DUSP8: variants seen among roughly 807,000 people sequenced by gnomAD.
DUSP8 encodes dual specificity phosphatase 8, also known as dual specificity protein phosphatase 8.
A neutral mutation model predicts 38.7 loss-of-function variants in DUSP8; 15 were observed. The observed-to-expected ratio is 0.39, with a 90% CI of 0.26 to 0.60. The LOEUF is 0.60. Among genes scored for constraint, DUSP8 ranks in the 20% least tolerant of loss-of-function variants. The pLI is 0.56. For missense variants in DUSP8, 768 were observed against 915.0 expected, an observed-to-expected ratio of 0.84 and a Z score of 2.07; for synonymous variants, 458 against 433.9, an observed-to-expected ratio of 1.06 and a Z score of -0.69.
Position 1,558,773 on chromosome 11 carries a change from C to T in DUSP8, c.537+116G>A. 1.6e-6 allele frequency: 2 copies of T among 1,280,292 alleles called. No homozygotes were observed. The highest frequency in any genetic ancestry group is 2.2e-6 in the Non-Finnish European group (2 of 928,164). The allele number at this position is 1,280,292 out of a possible 1,614,324, so 79.3% of individuals were successfully genotyped here. ...CCACCCATGCTTCTCCCACACCCAG[C>T]TCATCCACTGCCTTCAGCTCCTTTC... On this transcript the variant is annotated intron_variant, in intron 4 of 6. Coordinates refer to ENST00000397374, the MANE Select transcript of DUSP8 (RefSeq NM_004420.3). This position sits in a 1 kb window ranked among gnomAD's most constrained non-coding sequence, Gnocchi z 6.3.
At chr11:1,570,811 G>T (rs538856773) in intron 1 of DUSP8, among the ~76,000 whole-genome samples, 1 of 152,110 alleles carries the variant, frequency 6.6e-6, no homozygotes, top group South Asian at 2.1e-4. Context: ...CCCCTGGACC[G>T]CCCTAGGTGC....
chr11:1,557,859 G>A lies in DUSP8; in HGVS notation c.756C>T (p.Arg252=). The A allele has an allele frequency of 6.2e-7, 1 of 1,613,982 alleles. No individual in the cohort carries two copies. The highest frequency in any genetic ancestry group is 1.1e-5 in the South Asian group (1 of 91,078). ...VIVHCLAGIS[R]SATIAIAYIM... is the part of the protein sequence containing the mutation. ...TGTAGGCGATGGCGATGGTGGCAGA[G>A]CGGGAGATGCCAGCCAGACAGTGGA... Residue 252 remains arginine (R), a synonymous_variant, in exon 6 of 7, where the codon CGC becomes CGT. Transcript: ENST00000397374. The surrounding 1 kb of genome is among the most constrained non-coding windows in gnomAD (Gnocchi z 9.9).
In DUSP8 at chr11:1,572,002, G is replaced by A. The variant is rs1018225626; in HGVS notation, c.-210C>T. On this transcript the variant is annotated 5_prime_UTR_variant, in exon 1 of 7. Transcript: ENST00000397374. This position sits in a 1 kb window ranked among gnomAD's most constrained non-coding sequence, Gnocchi z 4.7. ...GGGCCCGGCGGGGGCCCGCGCAGCCGGGGCAGGGGCCGGGGGAGCGCGCGG... is the reference window on the plus strand; with the variant it reads ...GGGCCCGGCGGGGGCCCGCGCAGCCAGGGCAGGGGCCGGGGGAGCGCGCGG... 1 of 145,574 alleles carries A rather than the reference G, an allele frequency of 6.9e-6. No homozygotes were observed. Among genetic ancestry groups the A allele is most frequent in the Non-Finnish European group, 1.5e-5 (1 of 65,640 alleles). The allele number at this position is 145,574 out of a possible 1,614,324, so 9.0% of individuals were successfully genotyped here.
In DUSP8 at chr11:1,557,557, C is replaced by T; in HGVS notation, c.839G>A (p.Arg280His). Reference sequence around the variant, plus strand: ...GTTGAAGTTGGGCGAGATGGACGGGCGCCTGTCCTTCACGAACCTGCGGGG... The same window carrying T: ...GTTGAAGTTGGGCGAGATGGACGGGTGCCTGTCCTTCACGAACCTGCGGGG... ...DDAYRFVKDRRPSISPNFNFL... is the reference protein window; with the variant it reads ...DDAYRFVKDRHPSISPNFNFL... The change falls in exon 7 of 7, where the codon CGC becomes CAC. Residue 280 changes from arginine to histidine, a missense_variant. Physicochemically the swap from Arg to His is conservative, Grantham distance 29. Around this residue, in one of 3 missense-constraint regions of DUSP8, gnomAD observed 252 missense variants for 410.4 expected, o/e 0.61. Coordinates refer to ENST00000397374, the MANE Select transcript of DUSP8 (RefSeq NM_004420.3). The surrounding 1 kb of genome is among the most constrained non-coding windows in gnomAD (Gnocchi z 9.9). 6.3e-7 allele frequency: 1 copy of T among 1,587,406 alleles called. No individual in the cohort carries two copies. The highest frequency in any genetic ancestry group is 8.5e-7 in the Non-Finnish European group (1 of 1,175,134).
In DUSP8 at chr11:1,557,301, C is replaced by A; in HGVS notation, c.1095G>T (p.Pro365=). The change falls in exon 7 of 7, where the codon CCG becomes CCT. Residue 365 remains proline, a synonymous_variant. Transcript: ENST00000397374. This position sits in a 1 kb window ranked among gnomAD's most constrained non-coding sequence, Gnocchi z 9.9. ...GGEPPAPPTP[P]ATSALQQGLR... is the part of the protein sequence containing the mutation. ...GGCCCTGCTGCAGTGCGCTGGTCGC[C>A]GGGGGCGTGGGGGGCGCGGGGGGCT... 1 of 1,469,646 alleles carries A rather than the reference C, an allele frequency of 6.8e-7. No homozygotes were observed. Among genetic ancestry groups the A allele is most frequent in the East Asian group, 2.8e-5 (1 of 35,296 alleles). The allele number at this position is 1,469,646 out of a possible 1,614,324, so 91.0% of individuals were successfully genotyped here. A position where few individuals can be genotyped will look rare whatever the true frequency, so the allele number is the denominator to read the frequency against.
intron 1 of DUSP8, 65 bp from the exon 2 acceptor site, chr11:1,565,999 G>A (rs1848797371): frequency 1.6e-6 from 1 of 607,326 alleles, no homozygotes; most frequent in Non-Finnish European, 2.9e-6. Context: ...AAGCTCCCCA[G>A]GACAGATCAG....
chr11:1,565,754 C>G lies in DUSP8; in HGVS notation c.73G>C (p.Gly25Arg). Reference protein sequence around the residue: ...KLASLLRGGPGGPLVIDSRSF... With the variant: ...KLASLLRGGPRGPLVIDSRSF... The stretch of plus-strand genomic sequence containing the variant: ...CGGCTGTCGATGACCAGCGGCCCCC[C>G]AGGCCCGCCCCGCAGCAGGCTGGCC... The change falls in exon 2 of 7, where the codon GGG becomes CGG. Residue 25 changes from glycine to arginine, a missense_variant. Transcript: ENST00000397374. 1 of 1,611,702 alleles carries G rather than the reference C, an allele frequency of 6.2e-7. No individual in the cohort carries two copies.
In DUSP8 at chr11:1,565,760, C is replaced by T. The variant is rs887214689; in HGVS notation, c.67G>A (p.Gly23Arg). ...TCGATGACCAGCGGCCCCCCAGGCCCGCCCCGCAGCAGGCTGGCCAGCTTC... is the reference window on the plus strand; with the variant it reads ...TCGATGACCAGCGGCCCCCCAGGCCTGCCCCGCAGCAGGCTGGCCAGCTTC... ...AKKLASLLRG[G>R]PGGPLVIDSR... Residue 23 changes from glycine to arginine, a missense_variant, in exon 2 of 7, where the codon GGG (glycine) becomes AGG (arginine). By Grantham distance (125) the Gly-to-Arg change is moderately radical (BLOSUM62 -2). Transcript: ENST00000397374. 1.9e-6 allele frequency: 3 copies of T among 1,611,526 alleles called. No individual in the cohort carries two copies. The highest frequency in any genetic ancestry group is 8.5e-7 in the Non-Finnish European group (1 of 1,179,486).
intron 3 of DUSP8, among the ~76,000 whole-genome samples, chr11:1,562,484 G>A (rs529895348): frequency 6.6e-6 from 1 of 152,256 alleles, no homozygotes; most frequent in South Asian, 2.1e-4. Context: ...GTCATTCTGT[G>A]GCTTCTGGTT....
chr11:1,557,775 C>T lies in DUSP8; in HGVS notation c.821+19G>A, dbSNP rs1590800990. 2.0e-5 allele frequency: 33 copies of T among 1,612,000 alleles called. No individual in the cohort carries two copies. Among genetic ancestry groups the T allele is most frequent in the East Asian group, 6.7e-5 (3 of 44,888 alleles). ...AGCGACGCTGTGAGCCACAAGTGCG[C>T]GACTGGGGAAGGTGGTACCTGTAGG... On this transcript the variant is annotated intron_variant, in intron 6 of 6. Transcript: ENST00000397374. The surrounding 1 kb of genome is among the most constrained non-coding windows in gnomAD (Gnocchi z 9.9).
intron 3 of DUSP8, among the ~76,000 whole-genome samples, chr11:1,561,690 G>C (rs1848719145): frequency 6.6e-6 from 1 of 152,250 alleles, no homozygotes; most frequent in Non-Finnish European, 1.5e-5. Flanking sequence ...CTGTGGGGAG[G>C]ACAGAGGCTT....
At chr11:1,564,133 G>A (rs1347525365) in intron 2 of DUSP8, 144 bp from the exon 3 acceptor site, 1 of 1,034,760 alleles carries the variant, frequency 9.7e-7, no homozygotes, top group Non-Finnish European at 1.3e-6. Context: ...TGGAGGGGAG[G>A]GCAGGTGCAG....
chr11:1,557,130 G>C lies in DUSP8; in HGVS notation c.1266C>G (p.Leu422=), dbSNP rs1427297275. 37 of 1,412,384 alleles carry C rather than the reference G, an allele frequency of 2.6e-5. No homozygotes were observed. Among genetic ancestry groups the C allele is most frequent in the Non-Finnish European group, 3.4e-5 (37 of 1,092,338 alleles). 87.5% of individuals were successfully genotyped at this position (1,412,384 alleles called of 1,614,324 possible). The change falls in exon 7 of 7, where the codon CTC becomes CTG. Residue 422 remains leucine, a synonymous_variant. Transcript: ENST00000397374. The surrounding 1 kb of genome is among the most constrained non-coding windows in gnomAD (Gnocchi z 9.9). The part of the protein sequence containing the change: ...GPPDPGEAPK[L]CKLDSPSGAA... ...CCCCCGACGGGCTGTCCAGCTTGCA[G>C]AGCTTCGGGGCCTCGCCGGGGTCGG...
chr11:1,568,080 C>A (rs1848832117), intron 1 of DUSP8, among the ~76,000 whole-genome samples: 1 of 152,190 alleles, frequency 6.6e-6, no homozygotes, highest in Non-Finnish European at 1.5e-5. Context: ...GCTGCAGTGG[C>A]AGGGACACTT....
chr11:1,556,561 TG>T lies in DUSP8; in HGVS notation c.1834del (p.Gln612ArgfsTer52). On this transcript the variant is annotated frameshift_variant, in exon 7 of 7. Coordinates refer to ENST00000397374, the MANE Select transcript of DUSP8 (RefSeq NM_004420.3). LOFTEE classifies it high-confidence loss of function. This position sits in a 1 kb window ranked among gnomAD's most constrained non-coding sequence, Gnocchi z 5.2. ...CTCCACGCTGCCCGAGAAGCTCGCC[TG>T]CTTGCCCAGGGCGGCCAGCTCCTCG... ...RGEELAALGKQASFSGSVEVI... is the reference protein window; with the variant it reads ...RGEELAALGKXASFSGSVEVI... 7.1e-7 allele frequency: 1 copy of T among 1,417,170 alleles called. No homozygotes were observed. Among genetic ancestry groups the T allele is most frequent in the Non-Finnish European group, 9.2e-7 (1 of 1,083,968 alleles). The allele number at this position is 1,417,170 out of a possible 1,614,324, so 87.8% of individuals were successfully genotyped here.
chr11:1,564,569 C>T (rs1326455121), intron 2 of DUSP8, among the ~76,000 whole-genome samples: 1 of 152,190 alleles, frequency 6.6e-6, no homozygotes, highest in Admixed American at 6.5e-5. Flanking sequence ...CTGCCCTCCT[C>T]CCCCACCCCA....
rs1418041833 is a variant in DUSP8 at position 1,572,005 on chromosome 11, G to A, written c.-213C>T. On this transcript the variant is annotated 5_prime_UTR_variant, in exon 1 of 7. Coordinates refer to ENST00000397374, the MANE Select transcript of DUSP8 (RefSeq NM_004420.3). This position sits in a 1 kb window ranked among gnomAD's most constrained non-coding sequence, Gnocchi z 4.7. ...CCCGGCGGGGGCCCGCGCAGCCGGG[G>A]CAGGGGCCGGGGGAGCGCGCGGGCC... The A allele has an allele frequency of 5.5e-5, 8 of 145,790 alleles. No homozygotes were observed. The highest frequency in any genetic ancestry group is 1.4e-4 in the Admixed American group (2 of 14,692). 9.0% of individuals were successfully genotyped at this position (145,790 alleles called of 1,614,324 possible).
At position 1,555,650 on chromosome 11, in the gene DUSP8, G is replaced by A. The variant is rs771919237; in HGVS notation, c.*868C>T. The A allele has an allele frequency of 1.2e-4, 22 of 176,454 alleles. No individual in the cohort carries two copies. Among genetic ancestry groups the A allele is most frequent in the East Asian group, 1.9e-4 (1 of 5,284 alleles). The allele number at this position is 176,454 out of a possible 1,614,324, so 10.9% of individuals were successfully genotyped here. A position where few individuals can be genotyped will look rare whatever the true frequency, so the allele number is the denominator to read the frequency against. Reference sequence around the variant, plus strand: ...CTCCTGCAATGGTGCCACCCTGCCCGGCAGGCAGCTCTGGGGGCATGGGCA... The same window carrying A: ...CTCCTGCAATGGTGCCACCCTGCCCAGCAGGCAGCTCTGGGGGCATGGGCA... On this transcript the variant is annotated 3_prime_UTR_variant, in exon 7 of 7. Transcript: ENST00000397374.
At chr11:1,561,424 G>A (rs1292856298) in intron 3 of DUSP8, among the ~76,000 whole-genome samples, 3 of 152,180 alleles carry the variant, frequency 2.0e-5, no homozygotes, top group Admixed American at 6.5e-5. Flanking sequence ...TGGACTCCCC[G>A]CCAGGGCGGG....
Sources: allele counts gnomAD v4.1 joint callset (sites outside exome capture counted in the v4.1 genomes callset), GRCh38; gene constraint gnomAD v4.1.1; regional missense constraint gnomAD v4.1.1; non-coding constraint Gnocchi (gnomAD v3.1); transcripts MANE v1.5; gene names NCBI Gene and HGNC (gene_info 2026-07-23, HGNC 2026-07-21).